GPBP1: variants seen among roughly 807,000 people sequenced by gnomAD.
The protein encoded by GPBP1 is vasculin.
Under a neutral mutation model 56.5 loss-of-function variants are expected in GPBP1, and 13 were observed. That is an observed-to-expected ratio of 0.23 (90% CI 0.15 to 0.37). The LOEUF (loss-of-function observed/expected upper bound fraction) is 0.37, where lower values mean the gene tolerates loss of function less well. Among genes scored for constraint, GPBP1 ranks in the 10% least tolerant of loss-of-function variants. The pLI is 1.00. For missense variants in GPBP1, 477 were observed against 572.3 expected, an observed-to-expected ratio of 0.83 and a Z score of 1.70; for synonymous variants, 204 against 188.9, an observed-to-expected ratio of 1.08 and a Z score of -0.66.
At chr5:57,258,589 C>A (rs1249600868) in intron 10 of GPBP1, among the ~76,000 whole-genome samples, 5 of 152,118 alleles carry the variant, frequency 3.3e-5, no homozygotes, top group Admixed American at 3.3e-4. Context: ...AATATAGTTA[C>A]GTGGCACATG....
Position 57,247,068 on chromosome 5 carries a change from T to C in GPBP1, c.664-7T>C. ...ATAGCCATTAATGTTTGTGTGTTTTTCTTTAGCCTACACAATGGAAAAGCC... is the reference window on the plus strand; with the variant it reads ...ATAGCCATTAATGTTTGTGTGTTTTCCTTTAGCCTACACAATGGAAAAGCC... On this transcript the variant is annotated splice_polypyrimidine_tract_variant and splice_region_variant and intron_variant, in intron 7 of 11. Coordinates refer to ENST00000506184, the MANE Select transcript of GPBP1 (RefSeq NM_022913.4). 1 of 1,602,760 alleles carries C rather than the reference T, an allele frequency of 6.2e-7. No homozygotes were observed. Among genetic ancestry groups the C allele is most frequent in the South Asian group, 1.1e-5 (1 of 88,380 alleles).
At chr5:57,191,942 C>G (rs191390539) in intron 2 of GPBP1, among the ~76,000 whole-genome samples, 1 of 152,198 alleles carries the variant, frequency 6.6e-6, no homozygotes, top group African/African-American at 2.4e-5. Context: ...CATGATAGTT[C>G]ATTTGTAGTG....
At chr5:57,230,543 C>T (rs1389928651) in intron 3 of GPBP1, among the ~76,000 whole-genome samples, 1 of 152,062 alleles carries the variant, frequency 6.6e-6, no homozygotes, top group Non-Finnish European at 1.5e-5. Context: ...AAAGACTTAA[C>T]ATTTTGTTGA....
chr5:57,190,007 C>G (rs1754449942), intron 2 of GPBP1, among the ~76,000 whole-genome samples: 1 of 152,124 alleles, frequency 6.6e-6, no homozygotes, highest in African/African-American at 2.4e-5. Flanking sequence ...TCACTTAAAG[C>G]ACAGCTTATA....
In GPBP1 at chr5:57,250,956, T is replaced by A. The variant is rs771680022; in HGVS notation, c.975T>A (p.Asp325Glu). Residue 325 changes from aspartate to glutamate, a missense_variant and splice_region_variant, in exon 10 of 12, where the codon GAT becomes GAA. Coordinates refer to ENST00000506184, the MANE Select transcript of GPBP1 (RefSeq NM_022913.4). Reference sequence around the variant, plus strand: ...TTTTTTAACTCTCTAAAAATCAGGATGACGACTCATTTAATTTACATAACA... The same window carrying A: ...TTTTTTAACTCTCTAAAAATCAGGAAGACGACTCATTTAATTTACATAACA... ...EDESRAGSEK[D>E]DDSFNLHNSN... is the part of the protein sequence containing the mutation. 13 of 1,556,458 alleles carry A rather than the reference T, an allele frequency of 8.4e-6. No homozygotes were observed. Among genetic ancestry groups the A allele is most frequent in the Non-Finnish European group, 1.1e-5 (13 of 1,145,756 alleles).
chr5:57,230,766 TAAGTG>T (rs767115774), intron 3 of GPBP1, 75 bp from the exon 4 acceptor site: 103 of 1,245,512 alleles, frequency 8.3e-5, no homozygotes, highest in Middle Eastern at 1.9e-4. Context: ...TTTTTGGAAA[TAAGTG>T]AAGTTGGAGT....
chr5:57,260,150 T>C (rs1246481519), intron 10 of GPBP1, among the ~76,000 whole-genome samples: 1 of 152,214 alleles, frequency 6.6e-6, no homozygotes, highest in Non-Finnish European at 1.5e-5. Context: ...TTCAGAATCA[T>C]GTAAGCTGAA....
At chr5:57,214,946 G>A (rs60779399) in intron 3 of GPBP1, among the ~76,000 whole-genome samples, 36,888 of 152,046 alleles carry the variant, frequency 0.24, 4,791 homozygotes, top group Middle Eastern at 0.31. Flanking sequence ...ACAGGCATGC[G>A]CCACCGTGCC....
At chr5:57,208,837 C>T (rs1096565) in intron 2 of GPBP1, among the ~76,000 whole-genome samples, 60,820 of 151,190 alleles carry the variant, frequency 0.4, 12,475 homozygotes, top group South Asian at 0.45. Context: ...TTTATTTTAG[C>T]AGAGATGGGG....
intron 9 of GPBP1, among the ~76,000 whole-genome samples, 197 bp from the exon 10 acceptor site, chr5:57,250,757 C>A (rs1015258061): frequency 3.9e-5 from 6 of 151,988 alleles, no homozygotes; most frequent in Admixed American, 2.0e-4. Flanking sequence ...TTTGGCCAGG[C>A]TCGTCGCAAA....
At chr5:57,253,219 C>G (rs1741475916) in intron 10 of GPBP1, among the ~76,000 whole-genome samples, 1 of 152,102 alleles carries the variant, frequency 6.6e-6, no homozygotes, top group Non-Finnish European at 1.5e-5. Flanking sequence ...TTCGGCATAA[C>G]TAAAAGATGT....
chr5:57,182,788 GTCC>G (rs1431342075), intron 2 of GPBP1, among the ~76,000 whole-genome samples: 1 of 147,408 alleles, frequency 6.8e-6, no homozygotes, highest in Non-Finnish European at 1.5e-5. Flanking sequence ...GGCTCAAGCA[GTCC>G]TCCTGCCTCA....
At chr5:57,178,351 G>A (rs189032416) in intron 2 of GPBP1, among the ~76,000 whole-genome samples, 8 of 152,166 alleles carry the variant, frequency 5.3e-5, no homozygotes, top group Admixed American at 3.3e-4. Context: ...GGGTTCAAGC[G>A]ATTCTGCCTC....
intron 2 of GPBP1, among the ~76,000 whole-genome samples, chr5:57,186,150 A>G (rs920057300): frequency 1.3e-5 from 2 of 152,042 alleles, no homozygotes; most frequent in Non-Finnish European, 2.9e-5. Flanking sequence ...TAATCTCAGT[A>G]CTTTAGGAGG....
rs753115900 is a variant in GPBP1, at chr5:57,214,172, T to A, written c.42T>A (p.Pro14=). Residue 14 remains proline, a synonymous_variant, in exon 3 of 12, where the codon CCT becomes CCA. Transcript: ENST00000506184. ...TTGCTCCAGCCTGGCTTAATTTCCC[T>A]ACTCCACCATCATCAACAAAGGTAC... The part of the protein sequence containing the change: ...HDFAPAWLNF[P]TPPSSTKSSL... 5 of 1,613,448 alleles carry A rather than the reference T, an allele frequency of 3.1e-6. No individual in the cohort carries two copies. In the Admixed American group the frequency reaches 8.3e-5, roughly 27 times the overall value.
At chr5:57,203,509 G>A (rs896708257) in intron 2 of GPBP1, among the ~76,000 whole-genome samples, 1 of 152,146 alleles carries the variant, frequency 6.6e-6, no homozygotes, top group African/African-American at 2.4e-5. Context: ...CCCATGTGGT[G>A]CTACACACCT....
At position 57,249,270 on chromosome 5, in the gene GPBP1, A is replaced by C. The variant is rs2111932809; in HGVS notation, c.805-139A>C. On this transcript the variant is annotated intron_variant, in intron 8 of 11. Transcript: ENST00000506184. Reference sequence around the variant, plus strand: ...CAGTAGGGGAAAAAACAGGGATAGAACTAGACTGTAACATAGACATTATAA... The same window carrying C: ...CAGTAGGGGAAAAAACAGGGATAGACCTAGACTGTAACATAGACATTATAA... 1.6e-5 allele frequency: 10 copies of C among 633,062 alleles called. 1 individual carries two copies. The South Asian group carries it at 2.3e-4, about 15-fold the overall frequency. 39.2% of individuals were successfully genotyped at this position (633,062 alleles called of 1,614,324 possible).
chr5:57,252,109 A>G (rs958985980), intron 10 of GPBP1, among the ~76,000 whole-genome samples: 126 of 151,848 alleles, frequency 8.3e-4, no homozygotes, highest in African/African-American at 2.9e-3. Flanking sequence ...TTCTCTCAGT[A>G]GTGCAATCAC....
chr5:57,261,332 GAAC>G (rs1245521404), intron 11 of GPBP1, 50 bp downstream of exon 11: 1 of 980,580 alleles, frequency 1.0e-6, no homozygotes, highest in East Asian at 2.4e-5. Context: ...CCCTTATTTA[GAAC>G]AATATAATTA....
Sources: allele counts gnomAD v4.1 joint callset (sites outside exome capture counted in the v4.1 genomes callset), GRCh38; gene constraint gnomAD v4.1.1; transcripts MANE v1.5; gene names NCBI Gene and HGNC (gene_info 2026-07-23, HGNC 2026-07-21).